The following ANKRD17 variants were observed in gnomAD, a reference collection of about 807,000 sequenced individuals.
ANKRD17 encodes ankyrin repeat domain-containing protein 17.
A neutral mutation model predicts 229.7 loss-of-function variants in ANKRD17; 19 were observed. That is an observed-to-expected ratio of 0.08 (90% confidence interval 0.06 to 0.12). The LOEUF is 0.12. Ranked by LOEUF, ANKRD17 falls within the 10% of genes least tolerant of loss-of-function variation. The pLI, the probability that ANKRD17 is intolerant of heterozygous loss-of-function variation, is 1.00. For missense variants in ANKRD17, 2,176 were observed against 3,176.8 expected (o/e 0.68, Z 7.57); for synonymous variants, 1,112 against 1,146.1 (o/e 0.97, Z 0.60).
rs6846912 is a variant in ANKRD17, at chr4:73,214,392, G to A, written c.394-36859C>T. 3.0e-3 allele frequency among the ~76,000 whole-genome samples: 460 copies of A among 152,322 alleles called. 4 individuals are homozygous for A. Among genetic ancestry groups the A allele is most frequent in the African/African-American group, 0.011 (437 of 41,578 alleles). On this transcript the variant is annotated intron_variant, in intron 1 of 33. Coordinates refer to ENST00000358602, the MANE Select transcript of ANKRD17 (RefSeq NM_032217.5). ...GGCAATATACTGTAAAACAGCAGTT[G>A]TGCAAGTGTGGTCCATGGGATCTAT...
At chr4:73,155,522 C>T in intron 5 of ANKRD17, 109 bp downstream of exon 5, 4 of 1,216,222 alleles carry the variant, frequency 3.3e-6, no homozygotes, top group Non-Finnish European at 4.7e-6. Context: ...ATATGTAGCA[C>T]TTCTAATAAG....
intron 1 of ANKRD17, among the ~76,000 whole-genome samples, chr4:73,245,562 C>T (rs1255202175): frequency 1.3e-5 from 2 of 152,210 alleles, no homozygotes; most frequent in African/African-American, 4.8e-5. Context: ...TCTTCTCCCA[C>T]TAACTGCCTG....
chr4:73,110,273 C>T (rs968608097), intron 24 of ANKRD17, among the ~76,000 whole-genome samples: 1 of 152,126 alleles, frequency 6.6e-6, no homozygotes, highest in African/African-American at 2.4e-5. Flanking sequence ...GGGACTCTTC[C>T]ACTTAGTAAA....
intron 2 of ANKRD17, among the ~76,000 whole-genome samples, chr4:73,167,156 C>A (rs1042294589): frequency 6.6e-6 from 1 of 152,140 alleles, no homozygotes; most frequent in Non-Finnish European, 1.5e-5. Context: ...TGAAAAAAGA[C>A]TGCCTGTACA....
At chr4:73,201,968 A>G (rs1738728730) in intron 1 of ANKRD17, among the ~76,000 whole-genome samples, 1 of 152,196 alleles carries the variant, frequency 6.6e-6, no homozygotes, top group African/African-American at 2.4e-5. Context: ...TCTATTGAGT[A>G]CATATTACAC....
chr4:73,215,037 C>T (rs1334638259), intron 1 of ANKRD17, among the ~76,000 whole-genome samples: 1 of 151,970 alleles, frequency 6.6e-6, no homozygotes, highest in East Asian at 1.9e-4. Flanking sequence ...CATAGAATAC[C>T]ATCTTTTCTT....
At chr4:73,112,664 C>T (rs1363786556) in intron 24 of ANKRD17, 2 of 688,810 alleles carry the variant, frequency 2.9e-6, no homozygotes, top group Non-Finnish European at 1.8e-6. Flanking sequence ...ATAAAGAAAG[C>T]AAGTATAGTA....
intron 10 of ANKRD17, among the ~76,000 whole-genome samples, chr4:73,145,950 A>G (rs1436359667): frequency 6.6e-6 from 1 of 152,168 alleles, no homozygotes; most frequent in Non-Finnish European, 1.5e-5. Flanking sequence ...TGTGAAGGAA[A>G]GAGCACAGTT....
Position 73,205,908 on chromosome 4 carries a change from A to T in ANKRD17, c.394-28375T>A, listed in dbSNP as rs189553812. 2.6e-3 allele frequency among the ~76,000 whole-genome samples: 398 copies of T among 152,208 alleles called. 2 individuals are homozygous for T. The highest frequency in any genetic ancestry group is 8.8e-3 in the African/African-American group (365 of 41,546). On this transcript the variant is annotated intron_variant, in intron 1 of 33. Transcript: ENST00000358602. ...GGCAAGAAAACAACCTGATTTTTTT[A>T]AAAAAATGGGCTAAGGACCTGAATA... is the stretch of plus-strand genomic sequence containing the variant.
intron 1 of ANKRD17, among the ~76,000 whole-genome samples, chr4:73,243,691 G>C (rs749346245): frequency 4.6e-5 from 7 of 152,148 alleles, no homozygotes; most frequent in Non-Finnish European, 1.0e-4. Flanking sequence ...AATATCCACA[G>C]TCCCCTTCTT....
chr4:73,219,764 G>T (rs1741608613), intron 1 of ANKRD17, among the ~76,000 whole-genome samples: 1 of 152,036 alleles, frequency 6.6e-6, no homozygotes, highest in African/African-American at 2.4e-5. Flanking sequence ...AAAAGAATAA[G>T]AACGGGTATG....
chr4:73,117,996 A>G (rs1474711405), intron 22 of ANKRD17, among the ~76,000 whole-genome samples: 1 of 151,968 alleles, frequency 6.6e-6, no homozygotes, highest in African/African-American at 2.4e-5. Flanking sequence ...TTTTTTTCCT[A>G]GTAAAGTCAA....
chr4:73,169,174 G>A (rs971344638), intron 2 of ANKRD17: 1 of 152,002 alleles, frequency 6.6e-6, no homozygotes, highest in Non-Finnish European at 1.5e-5. Context: ...ATATGTTGTT[G>A]ATTCATTAAC....
At chr4:73,247,424 A>T (rs1364375659) in intron 1 of ANKRD17, among the ~76,000 whole-genome samples, 4 of 152,118 alleles carry the variant, frequency 2.6e-5, no homozygotes, top group Non-Finnish European at 5.9e-5. Flanking sequence ...AAGGATGTTC[A>T]CTTCACTAAT....
chr4:73,244,389 T>C (rs1200616699), intron 1 of ANKRD17, among the ~76,000 whole-genome samples: 1 of 152,122 alleles, frequency 6.6e-6, no homozygotes, highest in East Asian at 1.9e-4. Flanking sequence ...CTTTCTGTGA[T>C]GGAAATATTC....
Position 73,151,445 on chromosome 4 carries a change from C to T in ANKRD17, c.1314G>A (p.Leu438=). ...CCAATCTTACCATGCAAGCCTCCAT[C>T]AGAGCAGTGTGCATTTCATCTGTTT... ...EHKTDEMHTA[L]MEACMDGHVE... is the part of the protein sequence containing the mutation. Residue 438 remains leucine (L), a synonymous_variant, in exon 7 of 34, where the codon CTG becomes CTA. Transcript: ENST00000358602. 1 of 1,611,948 alleles carries T rather than the reference C, an allele frequency of 6.2e-7. No individual in the cohort carries two copies. The highest frequency in any genetic ancestry group is 8.5e-7 in the Non-Finnish European group (1 of 1,179,064).
At chr4:73,139,386 T>C (rs1729328240) in intron 15 of ANKRD17, 145 bp downstream of exon 15, 1 of 923,226 alleles carries the variant, frequency 1.1e-6, no homozygotes, top group Non-Finnish European at 1.6e-6. Context: ...TGAGAACTTC[T>C]GAGATTGAAC....
chr4:73,158,152 A>AAAAGAAAGAAAGAAAGAAAG (rs71215492), intron 3 of ANKRD17, among the ~76,000 whole-genome samples: 16,108 of 128,596 alleles, frequency 0.13, 1,338 homozygotes, highest in Non-Finnish European at 0.15. Context: ...GAAAGGAAGA[A>AAAAGAAAGAAAGAAAGAAAG]AAAGAAAGAA....
intron 15 of ANKRD17, among the ~76,000 whole-genome samples, chr4:73,137,864 T>C (rs1003706499): frequency 5.9e-5 from 9 of 152,214 alleles, no homozygotes; most frequent in African/African-American, 2.2e-4. Context: ...AAAGAAAAGA[T>C]ACTTTACAAA....
Sources: allele counts gnomAD v4.1 joint callset (sites outside exome capture counted in the v4.1 genomes callset), GRCh38; gene constraint gnomAD v4.1.1; transcripts MANE v1.5; gene names NCBI Gene and HGNC (gene_info 2026-07-23, HGNC 2026-07-21).